The following POC1B variants were observed in gnomAD, a reference collection of about 807,000 sequenced individuals.
The protein encoded by POC1B is POC1 centriolar protein homolog B.
Under a neutral mutation model 60.6 loss-of-function variants are expected in POC1B, and 44 were observed. That is an observed-to-expected ratio of 0.73 (90% CI 0.57 to 0.93). POC1B has a LOEUF of 0.93. Ranked by LOEUF, POC1B falls within the 40% of genes least tolerant of loss-of-function variation. POC1B has a pLI of 0.00. For synonymous variants in POC1B, 180 were observed against 198.9 expected (o/e 0.90, Z 0.80); for missense variants, 555 against 572.3 (o/e 0.97, Z 0.31).
chr12:89,481,975 G>A (rs111807903), intron 4 of POC1B, among the ~76,000 whole-genome samples: 104 of 152,070 alleles, frequency 6.8e-4, no homozygotes, highest in African/African-American at 2.4e-3. Flanking sequence ...TTTCATACCA[G>A]AACAAAACTT....
rs587777694 is a variant in POC1B, at chr12:89,470,360, C to A, written c.810+1G>T. 150 of 1,447,824 alleles carry A rather than the reference C, an allele frequency of 1.0e-4. No individual in the cohort carries two copies. Among genetic ancestry groups the A allele is most frequent in the Non-Finnish European group, 1.4e-4 (148 of 1,079,628 alleles). 89.7% of individuals were successfully genotyped at this position (1,447,824 alleles called of 1,614,324 possible). On this transcript the variant is annotated splice_donor_variant, in intron 7 of 11. Transcript: ENST00000313546. LOFTEE classifies it high-confidence loss of function. ...AAAAGCAAGAATCTGAGTGTTAATA[C>A]CGTATGTCCTTGAAGTGTATAGATG...
At position 89,420,668 on chromosome 12, in the gene POC1B, T is replaced by A. The variant is rs1024972036; in HGVS notation, c.*485A>T. The A allele has an allele frequency of 2.0e-5, 3 of 152,456 alleles. No individual in the cohort carries two copies. The highest frequency in any genetic ancestry group is 4.4e-5 in the Non-Finnish European group (3 of 68,238). The allele number at this position is 152,456 out of a possible 1,614,324, so 9.4% of individuals were successfully genotyped here. On this transcript the variant is annotated 3_prime_UTR_variant, in exon 12 of 12. Coordinates refer to ENST00000313546, the MANE Select transcript of POC1B (RefSeq NM_172240.3). ...TCAAGGCATTAGTAAGAAAGGATAA[T>A]TTCTATTTTGAACAGAAAGACATAC...
At chr12:89,524,935 G>T in intron 2 of POC1B, 185 bp downstream of exon 2, 1 of 945,924 alleles carries the variant, frequency 1.1e-6, no homozygotes, top group South Asian at 1.7e-5. Context: ...GCCGGGGGCT[G>T]GGGGCCGGGA....
At chr12:89,499,992 G>A (rs1364718950) in intron 2 of POC1B, 4 of 825,480 alleles carry the variant, frequency 4.8e-6, no homozygotes, top group Non-Finnish European at 5.9e-6. Context: ...CTTGGCCGCC[G>A]CCTGGTAGTC....
intron 4 of POC1B, among the ~76,000 whole-genome samples, chr12:89,482,593 G>C (rs1378220152): frequency 6.6e-6 from 1 of 152,002 alleles, no homozygotes; most frequent in Non-Finnish European, 1.5e-5. Flanking sequence ...TTATATATAG[G>C]GGAATTACAT....
At chr12:89,428,499 G>A (rs1188704510) in intron 10 of POC1B, 3 of 152,006 alleles carry the variant, frequency 2.0e-5, no homozygotes, top group Admixed American at 1.3e-4. Flanking sequence ...TGTATCCCTT[G>A]GATCATTTCT....
chr12:89,525,111 A>T lies in POC1B; in HGVS notation c.100+9T>A. ...CTCATTACAAAAGCAAAACAAGAAT[A>T]AGACTTACCAAGTTGCTTGCCGTTG... On this transcript the variant is annotated intron_variant, in intron 2 of 11. Coordinates refer to ENST00000313546, the MANE Select transcript of POC1B (RefSeq NM_172240.3). 6.2e-7 allele frequency: 1 copy of T among 1,613,928 alleles called. No individual in the cohort carries two copies. Among genetic ancestry groups the T allele is most frequent in the South Asian group, 1.1e-5 (1 of 91,072 alleles).
chr12:89,522,187 A>C (rs1208902550), intron 2 of POC1B: 2 of 398,614 alleles, frequency 5.0e-6, no homozygotes, highest in African/African-American at 4.1e-5. Flanking sequence ...CATTTCATTT[A>C]AATATGGGTA....
chr12:89,432,105 C>T (rs531061408), intron 10 of POC1B, among the ~76,000 whole-genome samples: 2 of 152,080 alleles, frequency 1.3e-5, no homozygotes, highest in East Asian at 3.9e-4. Flanking sequence ...TTAACTTGGC[C>T]GGGCATGGTG....
intron 4 of POC1B, among the ~76,000 whole-genome samples, chr12:89,473,826 G>C (rs1056739284): frequency 3.9e-5 from 6 of 151,916 alleles, no homozygotes; most frequent in South Asian, 2.1e-4. Context: ...TTATAAAAAG[G>C]CTCCAAACAG....
intron 9 of POC1B, among the ~76,000 whole-genome samples, chr12:89,460,375 C>G (rs1458858288): frequency 6.6e-6 from 1 of 152,068 alleles, no homozygotes; most frequent in Non-Finnish European, 1.5e-5. Flanking sequence ...GAAACTGTAT[C>G]ATAAATAACT....
chr12:89,500,950 G>A lies in POC1B; in HGVS notation c.101-3608C>T, dbSNP rs996923858. ...GAATCCAGTCCCATTGTTAGGCATG[G>A]AGGAATTGTTCCACCTCATTCGTGT... On this transcript the variant is annotated intron_variant, in intron 2 of 11. Transcript: ENST00000313546. The A allele has an allele frequency of 2.0e-5, 18 of 906,572 alleles. No homozygotes were observed. In the African/African-American group the frequency reaches 2.6e-4, roughly 13 times the overall value. The allele number at this position is 906,572 out of a possible 1,614,324, so 56.2% of individuals were successfully genotyped here.
At chr12:89,444,779 T>A (rs947285225) in intron 10 of POC1B, among the ~76,000 whole-genome samples, 1 of 152,094 alleles carries the variant, frequency 6.6e-6, no homozygotes, top group Non-Finnish European at 1.5e-5. Context: ...GAGAAAGAAA[T>A]AAAGGGTATT....
chr12:89,450,981 G>A (rs957196397), intron 10 of POC1B, among the ~76,000 whole-genome samples: 1 of 152,168 alleles, frequency 6.6e-6, no homozygotes, highest in Non-Finnish European at 1.5e-5. Flanking sequence ...GGTAAGCAGA[G>A]ATATTAAATG....
Position 89,497,225 on chromosome 12 carries a change from T to C in POC1B, c.218A>G (p.Asn73Ser). 2 of 1,613,924 alleles carry C rather than the reference T, an allele frequency of 1.2e-6. No homozygotes were observed. Among genetic ancestry groups the C allele is most frequent in the Non-Finnish European group, 8.5e-7 (1 of 1,180,024 alleles). ...VTSVQFSPHG[N>S]LLASASRDRT... is the part of the protein sequence containing the mutation. ...GTCTCGTGAGGCAGACGCCAATAAG[T>C]TTCCATGTGGAGAAAACTGCACGCT... The change falls in exon 3 of 12, where the codon AAC (asparagine) becomes AGC (serine). Residue 73 changes from asparagine (N) to serine (S), a missense_variant. By Grantham distance (46) the Asn-to-Ser change is conservative (BLOSUM62 1). Transcript: ENST00000313546.
intron 4 of POC1B, among the ~76,000 whole-genome samples, chr12:89,480,595 ATTTTTTTT>A (rs765505677): frequency 5.6e-4 from 39 of 69,880 alleles, no homozygotes; most frequent in Admixed American, 8.0e-4. Context: ...TAATTTTTGT[ATTTTTTTT>A]TTTTTTTTTT....
intron 10 of POC1B, among the ~76,000 whole-genome samples, chr12:89,439,860 C>T (rs893672762): frequency 6.6e-6 from 1 of 152,206 alleles, no homozygotes; most frequent in African/African-American, 2.4e-5. Context: ...CTGCCTCAGC[C>T]TCGCAAAGTG....
intron 10 of POC1B, among the ~76,000 whole-genome samples, chr12:89,456,749 GCAAGCCA>G (rs1473837644): frequency 6.6e-6 from 1 of 151,964 alleles, no homozygotes; most frequent in Non-Finnish European, 1.5e-5. Context: ...AGACACAAGT[GCAAGCCA>G]CAAAGATACC....
chr12:89,446,984 C>T (rs1033162792), intron 10 of POC1B, among the ~76,000 whole-genome samples: 6 of 152,050 alleles, frequency 3.9e-5, no homozygotes, highest in Non-Finnish European at 7.4e-5. Context: ...ATATAAACTC[C>T]GTGACTGTCA....
Sources: gnomAD v4.1 joint callset for allele counts (sites outside exome capture counted in the v4.1 genomes callset) on GRCh38, gnomAD v4.1.1 for gene constraint, MANE v1.5 for transcripts, NCBI Gene and HGNC (gene_info 2026-07-23, HGNC 2026-07-21) for gene names.